The following ZNF823 variants were observed in gnomAD, a reference collection of about 807,000 sequenced individuals.
ZNF823 encodes the protein ZFP 36 for a zinc finger protein.
A neutral mutation model predicts 11.4 loss-of-function variants in ZNF823; 5 were observed. The ratio of observed to expected loss-of-function variants is 0.44; its 90% CI spans 0.23 to 0.92. The LOEUF (loss-of-function observed/expected upper bound fraction) is 0.92. ZNF823 is among the 40% of genes least tolerant of loss of function. ZNF823 has a pLI of 0.24. For synonymous variants in ZNF823, 234 were observed against 250.5 expected (o/e 0.93, Z 0.62); for missense variants, 582 against 738.5 (o/e 0.79, Z 2.46).
chr19:11,726,094 A>AG (rs1974785425), intron 1 of ZNF823: 1 of 132,398 alleles, frequency 7.6e-6, no homozygotes, highest in African/African-American at 2.7e-5. Context: ...AAAAAAAAAA[A>AG]TAGCAAGATG....
intron 1 of ZNF823, among the ~76,000 whole-genome samples, chr19:11,733,742 A>T (rs1295539086): frequency 6.6e-6 from 1 of 152,100 alleles, no homozygotes; most frequent in East Asian, 1.9e-4. Context: ...TATATCACAG[A>T]CCCAAATAAA....
chr19:11,731,095 C>T (rs1974885774), intron 1 of ZNF823, among the ~76,000 whole-genome samples: 1 of 151,674 alleles, frequency 6.6e-6, no homozygotes, highest in South Asian at 2.1e-4. Context: ...GGTGGATCAC[C>T]TGAGGTCGGG....
intron 1 of ZNF823, among the ~76,000 whole-genome samples, chr19:11,729,680 G>T (rs1439890205): frequency 6.6e-6 from 1 of 152,096 alleles, no homozygotes; most frequent in African/African-American, 2.4e-5. Context: ...GGCTTTCTTT[G>T]TAAGATTATT....
chr19:11,721,772 A>G lies in ZNF823; in HGVS notation c.1762T>C (p.Cys588Arg). 1 of 1,614,174 alleles carries G rather than the reference A, an allele frequency of 6.2e-7. No homozygotes were observed. Among genetic ancestry groups the G allele is most frequent in the Non-Finnish European group, 8.5e-7 (1 of 1,180,014 alleles). ...TGEKLYECKE[C>R]GKALSSLRSL... ...CGGAGAGAACTCAATGCTTTCCCACATTCCTTACATTCATACAGCTTCTCT... is the reference window on the plus strand; with the variant it reads ...CGGAGAGAACTCAATGCTTTCCCACGTTCCTTACATTCATACAGCTTCTCT... Residue 588 changes from cysteine to arginine, a missense_variant, in exon 4 of 4, where the codon TGT becomes CGT. Transcript: ENST00000341191.
At chr19:11,735,743 A>C (rs1974981975) in intron 1 of ZNF823, among the ~76,000 whole-genome samples, 1 of 152,160 alleles carries the variant, frequency 6.6e-6, no homozygotes, top group Non-Finnish European at 1.5e-5. Context: ...GGTATTTAAA[A>C]AAAAAAATAC....
chr19:11,722,536 T>G lies in ZNF823; in HGVS notation c.998A>C (p.Lys333Thr). 1 of 1,614,176 alleles carries G rather than the reference T, an allele frequency of 6.2e-7. No individual in the cohort carries two copies. The highest frequency in any genetic ancestry group is 8.5e-7 in the Non-Finnish European group (1 of 1,180,018). Reference protein sequence around the residue: ...MIRHTGDGPHKCKICGKGFDC... With the variant: ...MIRHTGDGPHTCKICGKGFDC... ...AAAGCCTTTCCCACATATCTTACAT[T>G]TATGTGGTCCGTCTCCAGTGTGCCT... is the stretch of plus-strand genomic sequence containing the variant. Residue 333 changes from lysine to threonine, a missense_variant, in exon 4 of 4, where the codon AAA becomes ACA. Physicochemically the swap from Lys to Thr is moderately conservative, Grantham distance 78. Around this residue, in one of 3 missense-constraint regions of ZNF823, gnomAD observed 429 missense variants for 553.7 expected, o/e 0.77. Transcript: ENST00000341191. This position sits in a 1 kb window ranked among gnomAD's most constrained non-coding sequence, Gnocchi z 5.2.
At position 11,722,469 on chromosome 19, in the gene ZNF823, A is replaced by G; in HGVS notation, c.1065T>C (p.Thr355=). Residue 355 remains threonine (T), a synonymous_variant, in exon 4 of 4, where the codon ACT becomes ACC. Coordinates refer to ENST00000341191, the MANE Select transcript of ZNF823 (RefSeq NM_001080493.4). The surrounding 1 kb of genome is among the most constrained non-coding windows in gnomAD (Gnocchi z 5.2). ...SSVRNHETTH[T]GEKPYECKQC... is the part of the protein sequence containing the mutation. ...GCTTACATTCATAGGGTTTCTCTCC[A>G]GTGTGAGTAGTTTCATGATTTCGAA... 6.2e-7 allele frequency: 1 copy of G among 1,614,144 alleles called. No homozygotes were observed. Among genetic ancestry groups the G allele is most frequent in the South Asian group, 1.1e-5 (1 of 91,080 alleles).
chr19:11,735,136 G>T (rs999377006), intron 1 of ZNF823, among the ~76,000 whole-genome samples: 5 of 151,838 alleles, frequency 3.3e-5, no homozygotes, highest in Non-Finnish European at 7.4e-5. Flanking sequence ...TTAGCTGGGC[G>T]TGGTGGTGGT....
At chr19:11,734,928 TACTC>T (rs973788150) in intron 1 of ZNF823, among the ~76,000 whole-genome samples, 22 of 152,162 alleles carry the variant, frequency 1.4e-4, no homozygotes, top group Non-Finnish European at 3.1e-4. Context: ...CCTTCCATCT[TACTC>T]TCTCTCCTAC....
intron 1 of ZNF823, among the ~76,000 whole-genome samples, chr19:11,731,530 C>T (rs192158064): frequency 4.4e-4 from 67 of 152,248 alleles, no homozygotes; most frequent in African/African-American, 1.5e-3. Context: ...ACCAATTCTC[C>T]AGCAATAACT....
chr19:11,734,663 G>A (rs555537848), intron 1 of ZNF823, among the ~76,000 whole-genome samples: 1 of 152,186 alleles, frequency 6.6e-6, no homozygotes, highest in Admixed American at 6.5e-5. Flanking sequence ...TCAGCCTCCT[G>A]AGTAGCTGGG....
In ZNF823 at chr19:11,721,930, G is replaced by A. The variant is rs1357507896; in HGVS notation, c.1604C>T (p.Ala535Val). Residue 535 changes from alanine to valine, a missense_variant, in exon 4 of 4, where the codon GCA becomes GTA. Transcript: ENST00000341191. ...TAGAAGGCAAGTGAGCCAAGAGAAT[G>A]CTTTTCCACATTCCTTACATTCATA... ...KPYECKECGK[A>V]FSWLTCLLRH... 1.9e-6 allele frequency: 3 copies of A among 1,613,970 alleles called. No homozygotes were observed. Among genetic ancestry groups the A allele is most frequent in the Non-Finnish European group, 2.5e-6 (3 of 1,180,026 alleles).
In ZNF823 at chr19:11,725,319, C is replaced by T. The variant is rs1232953130; in HGVS notation, c.12G>A (p.Val4=). The T allele has an allele frequency of 6.2e-7, 1 of 1,613,952 alleles. No homozygotes were observed. Among genetic ancestry groups the T allele is most frequent in the East Asian group, 2.2e-5 (1 of 44,868 alleles). MDS[V]AFEDVAVNFT... ...AGTTCACAGCCACATCTTCAAAGGC[C>T]ACTGAGTCCTGAAACATCCCACATG... The change falls in exon 2 of 4, where the codon GTG becomes GTA. Residue 4 remains valine (V), a synonymous_variant. Coordinates refer to ENST00000341191, the MANE Select transcript of ZNF823 (RefSeq NM_001080493.4).
Position 11,722,400 on chromosome 19 carries a change from G to T in ZNF823, c.1134C>A (p.His378Gln). Residue 378 changes from histidine to glutamine, a missense_variant, in exon 4 of 4, where the codon CAC becomes CAA. Physicochemically the swap from His to Gln is conservative, Grantham distance 24. Around this residue, in one of 3 missense-constraint regions of ZNF823, gnomAD observed 429 missense variants for 553.7 expected, o/e 0.77. Coordinates refer to ENST00000341191, the MANE Select transcript of ZNF823 (RefSeq NM_001080493.4). The surrounding 1 kb of genome is among the most constrained non-coding windows in gnomAD (Gnocchi z 5.2). ...VLSHSSSFRS[H>Q]MITHTGDGPQ... ...GTCCATCTCCTGTGTGTGTTATCAT[G>T]TGACTTCGAAAGCTCGAGCTATGAG... 1 of 1,613,628 alleles carries T rather than the reference G, an allele frequency of 6.2e-7. No individual in the cohort carries two copies. The highest frequency in any genetic ancestry group is 8.5e-7 in the Non-Finnish European group (1 of 1,179,942).
At chr19:11,738,271 G>T (rs1975031942) in intron 1 of ZNF823, among the ~76,000 whole-genome samples, 2 of 152,164 alleles carry the variant, frequency 1.3e-5, no homozygotes, top group African/African-American at 4.8e-5. Flanking sequence ...CAACCAGGCT[G>T]AAGACCCCAC....
intron 1 of ZNF823, among the ~76,000 whole-genome samples, chr19:11,734,680 G>C (rs907175445): frequency 6.6e-6 from 1 of 152,148 alleles, no homozygotes; most frequent in African/African-American, 2.4e-5. Context: ...TGGGACTATA[G>C]GCGTGTGCCA....
chr19:11,731,467 C>A (rs1459833537), intron 1 of ZNF823, among the ~76,000 whole-genome samples: 4 of 152,128 alleles, frequency 2.6e-5, no homozygotes, highest in Non-Finnish European at 5.9e-5. Context: ...AAGGCTCTGA[C>A]CTGTGGTGCC....
At chr19:11,738,755 G>C (rs1221540953) in intron 1 of ZNF823, 62 bp downstream of exon 1, 2 of 1,550,538 alleles carry the variant, frequency 1.3e-6, no homozygotes, top group Non-Finnish European at 1.7e-6. Flanking sequence ...CCTCACGGTC[G>C]GTTCCGGCCG....
chr19:11,736,757 G>A (rs1353344709), intron 1 of ZNF823, among the ~76,000 whole-genome samples: 7 of 152,184 alleles, frequency 4.6e-5, no homozygotes, highest in Middle Eastern at 6.3e-3. Flanking sequence ...CTACTTTAGT[G>A]TCAGTTCAGG....
Sources: allele counts gnomAD v4.1 joint callset (sites outside exome capture counted in the v4.1 genomes callset), GRCh38; gene constraint gnomAD v4.1.1; regional missense constraint gnomAD v4.1.1; non-coding constraint Gnocchi (gnomAD v3.1); transcripts MANE v1.5; gene names NCBI Gene and HGNC (gene_info 2026-07-23, HGNC 2026-07-21).